The following BBOF1 variants were observed in gnomAD, a reference collection of about 807,000 sequenced individuals.
BBOF1 encodes basal body-orientation factor 1.
BBOF1 carries 62 observed loss-of-function variants against 68.0 expected under a neutral mutation model. The observed-to-expected ratio is 0.91, with a 90% CI of 0.74 to 1.13. The LOEUF is 1.13. Ranked by LOEUF, BBOF1 falls within the 50% of genes most tolerant of loss-of-function variation. BBOF1 has a pLI of 0.00. For missense variants in BBOF1, 534 were observed against 600.1 expected, an observed-to-expected ratio of 0.89 and a Z score of 1.15; for synonymous variants, 208 against 198.8, an observed-to-expected ratio of 1.05 and a Z score of -0.39.
chr14:74,069,459 C>G (rs924574785), downstream of BBOF1, among the ~76,000 whole-genome samples: 1 of 151,672 alleles, frequency 6.6e-6, no homozygotes, highest in African/African-American at 2.4e-5. Flanking sequence ...CTTTTAAATT[C>G]TATTTAGCCG....
Position 74,034,024 on chromosome 14 carries a change from A to G in BBOF1, c.352-4A>G, listed in dbSNP as rs1362999857. The G allele has an allele frequency of 6.3e-7, 1 of 1,581,552 alleles. No individual in the cohort carries two copies. Among genetic ancestry groups the G allele is most frequent in the Non-Finnish European group, 8.6e-7 (1 of 1,168,752 alleles). On this transcript the variant is annotated splice_polypyrimidine_tract_variant and splice_region_variant and intron_variant, in intron 3 of 11. Transcript: ENST00000394009. Reference sequence around the variant, plus strand: ...TAACTCGTTTACCTCTTTTTTGAATACAGGAACAAAAGTATACCAGGCAAA... The same window carrying G: ...TAACTCGTTTACCTCTTTTTTGAATGCAGGAACAAAAGTATACCAGGCAAA...
intron 2 of BBOF1, among the ~76,000 whole-genome samples, chr14:74,027,302 G>GTCTCGAAC (rs1280111473): frequency 6.7e-6 from 1 of 149,790 alleles, no homozygotes. Flanking sequence ...GGCCAGGTTG[G>GTCTCGAAC]TCTCGAACTC....
chr14:74,054,868 G>GA (rs2060150750), intron 8 of BBOF1: 13 of 169,220 alleles, frequency 7.7e-5, no homozygotes, highest in South Asian at 2.1e-4. Context: ...TAGTAGAGAC[G>GA]GCATTTCACC....
chr14:74,079,711 C>T (rs1262943039), intron 10 of BBOF1, among the ~76,000 whole-genome samples: 6 of 152,078 alleles, frequency 3.9e-5, no homozygotes, highest in Non-Finnish European at 5.9e-5. Flanking sequence ...GGATTACAGG[C>T]GTGAGCCACT....
chr14:74,025,683 G>A (rs563653905), intron 2 of BBOF1, among the ~76,000 whole-genome samples: 1 of 152,178 alleles, frequency 6.6e-6, no homozygotes, highest in East Asian at 1.9e-4. Flanking sequence ...TTTTTCCTAA[G>A]GTGGTCTAAA....
chr14:74,022,855 C>G lies in BBOF1; in HGVS notation c.57-61C>G, dbSNP rs2059334160. On this transcript the variant is annotated intron_variant, in intron 1 of 11. Transcript: ENST00000394009. Reference sequence around the variant, plus strand: ...AATAGTAATATAATAGAGTTATATACTATCTGCATATTAGAGTTGTATAAA... The same window carrying G: ...AATAGTAATATAATAGAGTTATATAGTATCTGCATATTAGAGTTGTATAAA... 7.2e-6 allele frequency: 6 copies of G among 838,332 alleles called. No individual in the cohort carries two copies. The Admixed American group carries it at 1.5e-4, about 21-fold the overall frequency. 51.9% of individuals were successfully genotyped at this position (838,332 alleles called of 1,614,324 possible). A position where few individuals can be genotyped will look rare whatever the true frequency, so the allele number is the denominator to read the frequency against.
At position 74,049,954 on chromosome 14, in the gene BBOF1, G is replaced by A. The variant is rs763562720; in HGVS notation, c.1045G>A (p.Ala349Thr). 6.2e-6 allele frequency: 10 copies of A among 1,614,146 alleles called. No individual in the cohort carries two copies. Among genetic ancestry groups the A allele is most frequent in the Non-Finnish European group, 8.5e-6 (10 of 1,180,038 alleles). Residue 349 changes from alanine (A) to threonine (T), a missense_variant, in exon 8 of 12, where the codon GCC (alanine) becomes ACC (threonine). Coordinates refer to ENST00000394009, the MANE Select transcript of BBOF1 (RefSeq NM_025057.3). ...GGAAATGAATCGTGTGAAGAAGCTG[G>A]CCAAGAACATACTGGATGAGAGAAC... ...DREMNRVKKL[A>T]KNILDERTEV... is the part of the protein sequence containing the mutation.
At chr14:74,074,434 G>A (rs150408198) in intron 9 of BBOF1, among the ~76,000 whole-genome samples, 2 of 151,632 alleles carry the variant, frequency 1.3e-5, no homozygotes, top group Non-Finnish European at 2.9e-5. Context: ...CTACAGGTGC[G>A]TGCCACCATG....
At chr14:74,071,311 G>T in intron 9 of BBOF1, 1 of 1,614,170 alleles carries the variant, frequency 6.2e-7, no homozygotes, top group Non-Finnish European at 8.5e-7. Flanking sequence ...CATTAGGAAG[G>T]TATTTCCACA....
At chr14:74,081,221 T>C (rs2139820027) in intron 11 of BBOF1, 1 of 152,302 alleles carries the variant, frequency 6.6e-6, no homozygotes, top group South Asian at 2.1e-4. Context: ...TTTCTCTCCT[T>C]TGAGGTCACT....
At chr14:74,044,627 TA>T (rs925066694) in intron 5 of BBOF1, among the ~76,000 whole-genome samples, 14 of 152,004 alleles carry the variant, frequency 9.2e-5, no homozygotes, top group Non-Finnish European at 1.5e-4. Context: ...CATGCCGAAT[TA>T]AAAAAAATTT....
intron 8 of BBOF1, among the ~76,000 whole-genome samples, chr14:74,050,529 T>A (rs77546905): frequency 0.018 from 2,702 of 152,226 alleles, 38 homozygotes; most frequent in Non-Finnish European, 0.027. Context: ...AAATTGGACA[T>A]TTGTTATAAA....
At chr14:74,031,892 G>A (rs1268338500) in intron 3 of BBOF1, 3 of 152,196 alleles carry the variant, frequency 2.0e-5, no homozygotes, top group South Asian at 4.2e-4. Context: ...TACAATGAAT[G>A]TGCCAGTAAA....
intron 9 of BBOF1, chr14:74,072,649 A>T (rs1566834152): frequency 6.2e-7 from 1 of 1,601,812 alleles, no homozygotes; most frequent in Admixed American, 1.7e-5. Context: ...AAACAAAAAC[A>T]TGAAACTTTG....
At chr14:74,041,253 A>G (rs1272714383) in intron 5 of BBOF1, among the ~76,000 whole-genome samples, 10 of 152,126 alleles carry the variant, frequency 6.6e-5, no homozygotes, top group Admixed American at 6.6e-4. Flanking sequence ...CAGTGAGGCG[A>G]TATTGCACCA....
intron 8 of BBOF1, among the ~76,000 whole-genome samples, chr14:74,051,910 T>G (rs1425207957): frequency 6.6e-6 from 1 of 151,712 alleles, no homozygotes; most frequent in African/African-American, 2.4e-5. Context: ...TTTTTTGCTT[T>G]AAATTATTTT....
intron 5 of BBOF1, 96 bp from the exon 6 acceptor site, chr14:74,045,964 G>A: frequency 9.3e-7 from 1 of 1,080,264 alleles, no homozygotes; most frequent in Non-Finnish European, 1.3e-6. Context: ...ATGGGGACAG[G>A]AGTTTTTTAT....
Position 74,040,781 on chromosome 14 carries a change from T to C in BBOF1, c.576+136T>C. 7 of 569,250 alleles carry C rather than the reference T, an allele frequency of 1.2e-5. No individual in the cohort carries two copies. In the South Asian group the frequency reaches 1.8e-4, roughly 15 times the overall value. 35.3% of individuals were successfully genotyped at this position (569,250 alleles called of 1,614,324 possible). A position where few individuals can be genotyped will look rare whatever the true frequency, so the allele number is the denominator to read the frequency against. ...AGATTGTTACCAAATTATAGCACAA[T>C]ACAATGAGGGAAAATAAAACCTTCT... On this transcript the variant is annotated intron_variant, in intron 5 of 11. Coordinates refer to ENST00000394009, the MANE Select transcript of BBOF1 (RefSeq NM_025057.3).
chr14:74,047,276 C>A (rs2059971579), intron 6 of BBOF1, among the ~76,000 whole-genome samples: 1 of 152,082 alleles, frequency 6.6e-6, no homozygotes, highest in Non-Finnish European at 1.5e-5. Flanking sequence ...GATTCAGGAA[C>A]CTGGCTGCTT....
Sources: gnomAD v4.1 joint callset for allele counts (sites outside exome capture counted in the v4.1 genomes callset) on GRCh38, gnomAD v4.1.1 for gene constraint, MANE v1.5 for transcripts, NCBI Gene and HGNC (gene_info 2026-07-23, HGNC 2026-07-21) for gene names.